The following SLC30A9 variants were observed in gnomAD, a reference collection of about 807,000 sequenced individuals.
SLC30A9 encodes solute carrier family 30 member 9.
A neutral mutation model predicts 87.5 loss-of-function variants in SLC30A9; 58 were observed. That is an observed-to-expected ratio of 0.66 (90% CI 0.54 to 0.82). SLC30A9 has a LOEUF of 0.82. Ranked by LOEUF, SLC30A9 falls within the 40% of genes least tolerant of loss-of-function variation. The pLI, the probability that SLC30A9 is intolerant of heterozygous loss-of-function variation, is 0.00. For missense variants in SLC30A9, 557 were observed against 679.1 expected (o/e 0.82, Z 2.00); for synonymous variants, 234 against 233.0 (o/e 1.00, Z -0.04).
At chr4:42,064,900 T>C (rs1718019235) in intron 11 of SLC30A9, among the ~76,000 whole-genome samples, 1 of 146,968 alleles carries the variant, frequency 6.8e-6, no homozygotes, top group African/African-American at 2.5e-5. Context: ...CTAGGTTAAC[T>C]TTTTTTTTTT....
At position 42,078,241 on chromosome 4, in the gene SLC30A9, A is replaced by G. The variant is rs749513531; in HGVS notation, c.1578A>G (p.Glu526=). Residue 526 remains glutamate (E), a synonymous_variant, in exon 17 of 18, where the codon GAA becomes GAG. Coordinates refer to ENST00000264451, the MANE Select transcript of SLC30A9 (RefSeq NM_006345.4). ...TTCAAGAAGTGAAAACTCCTGAAGA[A>G]CTAGAGACCTTTATGCTTAAACATG... ...QEIQEVKTPE[E]LETFMLKHGE... is the part of the protein sequence containing the mutation. 2.5e-5 allele frequency: 39 copies of G among 1,562,998 alleles called. No homozygotes were observed. The South Asian group carries it at 4.0e-4, about 16-fold the overall frequency.
At chr4:42,009,948 A>G (rs1442017540) in intron 2 of SLC30A9, among the ~76,000 whole-genome samples, 4 of 152,210 alleles carry the variant, frequency 2.6e-5, no homozygotes, top group African/African-American at 9.6e-5. Context: ...GCTAAATTGT[A>G]AGAAATGGAT....
intron 1 of SLC30A9, among the ~76,000 whole-genome samples, chr4:41,995,724 T>A (rs1714670605): frequency 6.6e-6 from 1 of 152,172 alleles, no homozygotes; most frequent in African/African-American, 2.4e-5. Flanking sequence ...ATGTATGTAT[T>A]TTTGAGAAAG....
intron 1 of SLC30A9, among the ~76,000 whole-genome samples, chr4:41,999,809 C>T (rs949836776): frequency 6.6e-6 from 1 of 151,776 alleles, no homozygotes; most frequent in Non-Finnish European, 1.5e-5. Flanking sequence ...TTTGTAACAA[C>T]TGGAAATTTG....
intron 8 of SLC30A9, among the ~76,000 whole-genome samples, chr4:42,043,735 C>T (rs1717015624): frequency 6.6e-6 from 1 of 152,108 alleles, no homozygotes; most frequent in African/African-American, 2.4e-5. Flanking sequence ...AAAGACAGTC[C>T]TCGAGAAGAG....
Position 42,087,914 on chromosome 4 carries a change from C to A in SLC30A9, c.*1788C>A, listed in dbSNP as rs965745908. 4 of 151,582 alleles carry A rather than the reference C, an allele frequency of 2.6e-5. No individual in the cohort carries two copies. Among genetic ancestry groups the A allele is most frequent in the Non-Finnish European group, 5.9e-5 (4 of 67,962 alleles). 9.4% of individuals were successfully genotyped at this position (151,582 alleles called of 1,614,324 possible). A position where few individuals can be genotyped will look rare whatever the true frequency, so the allele number is the denominator to read the frequency against. On this transcript the variant is annotated 3_prime_UTR_variant, in exon 18 of 18. Transcript: ENST00000264451. ...TATTACTCTGAAAAATTTCACAAAGCCAGACAAGAATAATTACTCATTTTT... is the reference window on the plus strand; with the variant it reads ...TATTACTCTGAAAAATTTCACAAAGACAGACAAGAATAATTACTCATTTTT...
intron 1 of SLC30A9, among the ~76,000 whole-genome samples, chr4:41,991,629 A>G (rs1387228867): frequency 2.6e-5 from 4 of 152,120 alleles, no homozygotes; most frequent in South Asian, 2.1e-4. Flanking sequence ...CGAAACATTC[A>G]TGTTCGAAGC....
rs991834190 is a variant in SLC30A9 at position 42,086,401 on chromosome 4, A to G, written c.*275A>G. 1.7e-5 allele frequency: 5 copies of G among 290,408 alleles called. No individual in the cohort carries two copies. Among genetic ancestry groups the G allele is most frequent in the African/African-American group, 1.0e-4 (5 of 48,490 alleles). 18.0% of individuals were successfully genotyped at this position (290,408 alleles called of 1,614,324 possible). A position where few individuals can be genotyped will look rare whatever the true frequency, so the allele number is the denominator to read the frequency against. ...ATTTTGGTTATTTAAATTGTTCATA[A>G]TGTCCCATATTTCACCTGTTCAGTG... is the stretch of plus-strand genomic sequence containing the variant. On this transcript the variant is annotated 3_prime_UTR_variant, in exon 18 of 18. Coordinates refer to ENST00000264451, the MANE Select transcript of SLC30A9 (RefSeq NM_006345.4).
In SLC30A9 at chr4:42,075,744, A is replaced by G. The variant is rs1718523493; in HGVS notation, c.1506A>G (p.Thr502=). The G allele has an allele frequency of 6.2e-7, 1 of 1,612,514 alleles. No individual in the cohort carries two copies. Among genetic ancestry groups the G allele is most frequent in the Non-Finnish European group, 8.5e-7 (1 of 1,178,678 alleles). ...TAGATTTTGATGGGCGAGTTGTTAC[A>G]AGATCATATTTGGAAAAACAAGATT... The part of the protein sequence containing the change: ...AEVDFDGRVV[T]RSYLEKQDFD... The change falls in exon 16 of 18, where the codon ACA becomes ACG. Residue 502 remains threonine (T), a synonymous_variant. Coordinates refer to ENST00000264451, the MANE Select transcript of SLC30A9 (RefSeq NM_006345.4).
chr4:42,090,373 G>C lies in SLC30A9; in HGVS notation c.*4247G>C, dbSNP rs1459050430. The C allele has an allele frequency of 6.6e-6, 1 of 152,230 alleles. No homozygotes were observed. Among genetic ancestry groups the C allele is most frequent in the South Asian group, 2.1e-4 (1 of 4,826 alleles). 9.4% of individuals were successfully genotyped at this position (152,230 alleles called of 1,614,324 possible). ...TTATTCGTTATATTGTATTTCATCT[G>C]TCTGATTTCCCTGGCACATTAAGAT... On this transcript the variant is annotated 3_prime_UTR_variant, in exon 18 of 18. Transcript: ENST00000264451.
At chr4:42,084,155 T>A (rs758804820) in intron 17 of SLC30A9, among the ~76,000 whole-genome samples, 38 of 152,230 alleles carry the variant, frequency 2.5e-4, no homozygotes, top group Non-Finnish European at 4.7e-4. Flanking sequence ...ATGCACAAAG[T>A]TTATAAAGTC....
rs376635745 is a variant in SLC30A9 at position 42,070,530 on chromosome 4, T to C, written c.1257T>C (p.Asn419=). ...TTTTTTATGTGCTTCATTTAGGCAATCCACTGTATGACAGCCTAGGTTCTT... is the reference window on the plus strand; with the variant it reads ...TTTTTTATGTGCTTCATTTAGGCAACCCACTGTATGACAGCCTAGGTTCTT... ...TCMGLTSITG[N]PLYDSLGSLG... is the part of the protein sequence containing the mutation. Residue 419 remains asparagine, a synonymous_variant, in exon 15 of 18, where the codon AAT becomes AAC. Coordinates refer to ENST00000264451, the MANE Select transcript of SLC30A9 (RefSeq NM_006345.4). The C allele has an allele frequency of 4.8e-5, 78 of 1,609,786 alleles. No homozygotes were observed. The South Asian group carries it at 8.3e-4, about 17-fold the overall frequency.
chr4:42,078,244 A>G lies in SLC30A9; in HGVS notation c.1581A>G (p.Leu527=), dbSNP rs372382024. 28 of 1,568,934 alleles carry G rather than the reference A, an allele frequency of 1.8e-5. No homozygotes were observed. The Admixed American group carries it at 2.4e-4, about 13-fold the overall frequency. Residue 527 remains leucine, a synonymous_variant, in exon 17 of 18, where the codon CTA becomes CTG. Transcript: ENST00000264451. Reference sequence around the variant, plus strand: ...AAGAAGTGAAAACTCCTGAAGAACTAGAGACCTTTATGCTTAAACATGGAG... The same window carrying G: ...AAGAAGTGAAAACTCCTGAAGAACTGGAGACCTTTATGCTTAAACATGGAG... The part of the protein sequence containing the change: ...EIQEVKTPEE[L]ETFMLKHGEN...
At chr4:42,083,393 A>G (rs913072385) in intron 17 of SLC30A9, among the ~76,000 whole-genome samples, 4 of 152,320 alleles carry the variant, frequency 2.6e-5, no homozygotes, top group Non-Finnish European at 1.5e-5. Flanking sequence ...TTGGATACCA[A>G]TTATTGATTT....
At chr4:42,037,469 T>C (rs184014180) in intron 7 of SLC30A9, among the ~76,000 whole-genome samples, 9 of 152,186 alleles carry the variant, frequency 5.9e-5, no homozygotes, top group Non-Finnish European at 1.2e-4. Context: ...TTTCTTGATA[T>C]AGTACTTCAG....
chr4:42,048,176 T>C (rs192099757), intron 8 of SLC30A9, among the ~76,000 whole-genome samples: 1,558 of 152,238 alleles, frequency 0.01, 13 homozygotes, highest in Middle Eastern at 0.02. Context: ...TGTATACCTA[T>C]GTAACAAACC....
At chr4:42,045,669 CT>C (rs2153138092) in intron 8 of SLC30A9, among the ~76,000 whole-genome samples, 1 of 151,872 alleles carries the variant, frequency 6.6e-6, no homozygotes, top group South Asian at 2.1e-4. Context: ...ACCATTTCTT[CT>C]GAAACTATTC....
rs1373324090 is a variant in SLC30A9, at chr4:42,080,444, T to C, written c.1662+2119T>C. On this transcript the variant is annotated intron_variant, in intron 17 of 17. Coordinates refer to ENST00000264451, the MANE Select transcript of SLC30A9 (RefSeq NM_006345.4). ...AAAGTTCCAAACATGAAGTTTCAGT[T>C]GTCTTTTCTCTGTAATGCATAGTAT... 2.0e-5 allele frequency among the ~76,000 whole-genome samples: 3 copies of C among 152,338 alleles called. No homozygotes were observed. The East Asian group carries it at 5.8e-4, about 29-fold the overall frequency.
At chr4:42,007,340 G>A (rs1715251265) in intron 2 of SLC30A9, among the ~76,000 whole-genome samples, 1 of 152,144 alleles carries the variant, frequency 6.6e-6, no homozygotes, top group South Asian at 2.1e-4. Flanking sequence ...ATGAGATGAT[G>A]GCTTGGTTTG....
Sources: allele counts gnomAD v4.1 joint callset (sites outside exome capture counted in the v4.1 genomes callset), GRCh38; gene constraint gnomAD v4.1.1; transcripts MANE v1.5; gene names NCBI Gene and HGNC (gene_info 2026-07-23, HGNC 2026-07-21).